The following MYO5A variants were observed in gnomAD, a reference collection of about 807,000 sequenced individuals.
The protein encoded by MYO5A is myosin VA.
A neutral mutation model predicts 249.7 loss-of-function variants in MYO5A; 98 were observed. That is an observed-to-expected ratio of 0.39 (90% CI 0.33 to 0.46). MYO5A has a LOEUF of 0.46. MYO5A is among the 20% of genes least tolerant of loss of function. The pLI, the probability that MYO5A is intolerant of heterozygous loss-of-function variation, is 0.98. For missense variants in MYO5A, 1,696 were observed against 2,308.8 expected, an observed-to-expected ratio of 0.73 and a Z score of 5.44; for synonymous variants, 778 against 810.6, an observed-to-expected ratio of 0.96 and a Z score of 0.68.
At chr15:52,436,786 G>C (rs1038357358) in intron 1 of MYO5A, among the ~76,000 whole-genome samples, 3 of 152,150 alleles carry the variant, frequency 2.0e-5, no homozygotes, top group African/African-American at 7.2e-5. Flanking sequence ...ATGATTAAAA[G>C]CTCGCTCAAT....
intron 1 of MYO5A, among the ~76,000 whole-genome samples, chr15:52,460,252 G>A (rs1224385913): frequency 1.3e-5 from 2 of 152,194 alleles, no homozygotes; most frequent in African/African-American, 2.4e-5. Context: ...GGTGGCGGCC[G>A]GGCAGAGGCT....
chr15:52,413,096 G>C (rs2043319933), intron 5 of MYO5A, among the ~76,000 whole-genome samples: 1 of 146,280 alleles, frequency 6.8e-6, no homozygotes, highest in African/African-American at 2.5e-5. Context: ...GCAGTGAGCT[G>C]AGATCATGCC....
At chr15:52,429,205 A>G (rs1406435734) in intron 2 of MYO5A, among the ~76,000 whole-genome samples, 2 of 151,412 alleles carry the variant, frequency 1.3e-5, no homozygotes, top group Non-Finnish European at 2.9e-5. Flanking sequence ...CATAGTTTTC[A>G]TGAGATTTTT....
chr15:52,466,272 G>T (rs1332319920), intron 1 of MYO5A, among the ~76,000 whole-genome samples: 1 of 152,196 alleles, frequency 6.6e-6, no homozygotes, highest in Non-Finnish European at 1.5e-5. Context: ...GGGGCTTGGG[G>T]AACTGAAACC....
intron 1 of MYO5A, among the ~76,000 whole-genome samples, chr15:52,516,789 A>G (rs916330950): frequency 1.3e-5 from 2 of 152,346 alleles, no homozygotes; most frequent in African/African-American, 4.8e-5. Flanking sequence ...GACACTGTTA[A>G]TTTGTTCTAA....
chr15:52,433,330 T>C (rs2075582864), intron 1 of MYO5A, 45 bp from the exon 2 acceptor site: 1 of 1,126,422 alleles, frequency 8.9e-7, no homozygotes, highest in South Asian at 1.2e-5. Flanking sequence ...AATCAATTAT[T>C]TTACAATCAT....
At position 52,383,226 on chromosome 15, in the gene MYO5A, G is replaced by C. The variant is rs765988850; in HGVS notation, c.1915-38C>G. ...GGGCAGAAGAGGGTATCAAGGCTTT[G>C]TCCAAAGTCAAAGGTGAGGTAAAAC... is the stretch of plus-strand genomic sequence containing the variant. On this transcript the variant is annotated intron_variant, in intron 15 of 41. Transcript: ENST00000399233. The C allele has an allele frequency of 3.3e-6, 5 of 1,506,318 alleles. No individual in the cohort carries two copies. In the South Asian group the frequency reaches 5.6e-5, roughly 17 times the overall value. The allele number at this position is 1,506,318 out of a possible 1,614,324, so 93.3% of individuals were successfully genotyped here.
At chr15:52,458,997 T>G (rs1463335673) in intron 1 of MYO5A, among the ~76,000 whole-genome samples, 1 of 151,704 alleles carries the variant, frequency 6.6e-6, no homozygotes, top group Admixed American at 6.6e-5. Context: ...AATGTAAAAA[T>G]TCTTTTTTGG....
chr15:52,312,693 C>T lies in MYO5A; in HGVS notation c.*1003G>A, dbSNP rs1596258202. 1 of 152,166 alleles carries T rather than the reference C, an allele frequency of 6.6e-6. No homozygotes were observed. Among genetic ancestry groups the T allele is most frequent in the South Asian group, 2.1e-4 (1 of 4,826 alleles). 9.4% of individuals were successfully genotyped at this position (152,166 alleles called of 1,614,324 possible). A position where few individuals can be genotyped will look rare whatever the true frequency, so the allele number is the denominator to read the frequency against. On this transcript the variant is annotated 3_prime_UTR_variant, in exon 42 of 42. Transcript: ENST00000399233. ...CTTAATAAATTAAGAAGAGAGAAAA[C>T]CTGTCAAGGTTGAAAATATGCACTG... is the stretch of plus-strand genomic sequence containing the variant.
chr15:52,360,191 G>A, intron 24 of MYO5A, 110 bp from the exon 25 acceptor site: 1 of 749,926 alleles, frequency 1.3e-6, no homozygotes, highest in Non-Finnish European at 2.4e-6. Context: ...GACTTGTATT[G>A]GTGCCCAAGT....
At position 52,331,623 on chromosome 15, in the gene MYO5A, C is replaced by T. The variant is rs1478695604; in HGVS notation, c.4409-1124G>A. On this transcript the variant is annotated intron_variant, in intron 34 of 41. Coordinates refer to ENST00000399233, the MANE Select transcript of MYO5A (RefSeq NM_001382347.1). ...GAGGTGTCAGTAGTGCTTCTTGTGTCACTCTGGGTAATTTCCTGGGTTAGT... is the reference window on the plus strand; with the variant it reads ...GAGGTGTCAGTAGTGCTTCTTGTGTTACTCTGGGTAATTTCCTGGGTTAGT... The T allele has an allele frequency of 1.8e-5, 17 of 968,866 alleles. No homozygotes were observed. In the South Asian group the frequency reaches 1.9e-4, roughly 11 times the overall value. 60.0% of individuals were successfully genotyped at this position (968,866 alleles called of 1,614,324 possible).
At chr15:52,398,919 G>A (rs1451855561) in intron 9 of MYO5A, among the ~76,000 whole-genome samples, 3 of 152,018 alleles carry the variant, frequency 2.0e-5, no homozygotes, top group Non-Finnish European at 4.4e-5. Context: ...AACCTGGGAG[G>A]TGGAGGTTGC....
intron 40 of MYO5A, 92 bp downstream of exon 40, chr15:52,316,956 G>A: frequency 7.4e-7 from 1 of 1,358,000 alleles, no homozygotes; most frequent in Non-Finnish European, 1.1e-6. Context: ...TCAGCTCAGA[G>A]ATACAAGCAA....
intron 18 of MYO5A, 67 bp downstream of exon 18, chr15:52,379,558 C>A: frequency 7.0e-7 from 1 of 1,420,164 alleles, no homozygotes; most frequent in African/African-American, 1.4e-5. Context: ...CAAAAGTTCC[C>A]GGGGCTTTCC....
intron 1 of MYO5A, among the ~76,000 whole-genome samples, chr15:52,516,120 C>T (rs542624416): frequency 2.6e-5 from 4 of 152,230 alleles, no homozygotes; most frequent in Non-Finnish European, 5.9e-5. Flanking sequence ...GGTTAAGTGG[C>T]TTGCTTAAAG....
At chr15:52,364,742 C>T (rs1473279417) in intron 23 of MYO5A, 40 bp from the exon 24 acceptor site, 3 of 1,607,442 alleles carry the variant, frequency 1.9e-6, no homozygotes, top group African/African-American at 2.7e-5. Context: ...AAGATGGCCC[C>T]TTGAGAATGC....
At chr15:52,520,082 TC>T (rs1293427825) in intron 1 of MYO5A, among the ~76,000 whole-genome samples, 1 of 152,058 alleles carries the variant, frequency 6.6e-6, no homozygotes, top group African/African-American at 2.4e-5. Context: ...ATACCTAATG[TC>T]CCCGGTCAAG....
At chr15:52,486,148 G>A (rs1208904832) in intron 1 of MYO5A, among the ~76,000 whole-genome samples, 5 of 152,090 alleles carry the variant, frequency 3.3e-5, no homozygotes, top group East Asian at 1.9e-4. Context: ...GAGGTTCTGC[G>A]TTAAGCTGGG....
intron 28 of MYO5A, among the ~76,000 whole-genome samples, chr15:52,350,543 T>G (rs541502601): frequency 6.6e-6 from 1 of 152,316 alleles, no homozygotes; most frequent in East Asian, 1.9e-4. Flanking sequence ...TTGAGTCCTG[T>G]GATGCTCTGC....
Sources: allele counts gnomAD v4.1 joint callset (sites outside exome capture counted in the v4.1 genomes callset), GRCh38; gene constraint gnomAD v4.1.1; transcripts MANE v1.5; gene names NCBI Gene and HGNC (gene_info 2026-07-23, HGNC 2026-07-21).